Variants in ST6GALNAC5 observed in about 807,000 individuals in gnomAD.
The protein encoded by ST6GALNAC5 is alpha-N-acetylgalactosaminide alpha-2,6-sialyltransferase 5.
Under a neutral mutation model 33.6 loss-of-function variants are expected in ST6GALNAC5, and 27 were observed. The ratio of observed to expected loss-of-function variants is 0.80; its 90% confidence interval spans 0.59 to 1.11. The LOEUF (loss-of-function observed/expected upper bound fraction) is 1.11, where lower values mean the gene tolerates loss of function less well. Ranked by LOEUF, ST6GALNAC5 falls within the 50% of genes least tolerant of loss-of-function variation. The probability of loss-of-function intolerance (pLI) is 0.00; values close to 1 mark genes in which losing one functional copy is unlikely to be tolerated. For synonymous variants in ST6GALNAC5, 194 were observed against 171.2 expected (o/e 1.13, Z -1.04); for missense variants, 428 against 454.0 (o/e 0.94, Z 0.52).
intron 2 of ST6GALNAC5, among the ~76,000 whole-genome samples, chr1:76,906,812 G>A (rs1570659257): frequency 6.6e-6 from 1 of 152,242 alleles, no homozygotes; most frequent in South Asian, 2.1e-4. Flanking sequence ...TCCCTTGAAT[G>A]CCCCGTAGGT....
At chr1:77,055,983 T>C (rs896816125) in intron 4 of ST6GALNAC5, among the ~76,000 whole-genome samples, 2 of 152,204 alleles carry the variant, frequency 1.3e-5, no homozygotes, top group Non-Finnish European at 2.9e-5. Context: ...AAACTATAAC[T>C]AGCAAATTCA....
At chr1:76,991,995 A>T (rs1465268802) in intron 2 of ST6GALNAC5, among the ~76,000 whole-genome samples, 1 of 152,238 alleles carries the variant, frequency 6.6e-6, no homozygotes, top group East Asian at 1.9e-4. Flanking sequence ...AAATATTTTT[A>T]AAATTTCTTC....
chr1:76,939,074 C>T (rs1415906536), intron 2 of ST6GALNAC5, among the ~76,000 whole-genome samples: 3 of 152,028 alleles, frequency 2.0e-5, no homozygotes, highest in Non-Finnish European at 4.4e-5. Context: ...GAGGTGGCTG[C>T]AGTCTGGGTG....
chr1:76,905,971 C>G (rs974241708), intron 2 of ST6GALNAC5, among the ~76,000 whole-genome samples: 1 of 152,078 alleles, frequency 6.6e-6, no homozygotes, highest in Non-Finnish European at 1.5e-5. Context: ...TGCTGAATTC[C>G]CTGCTCCAGA....
intron 2 of ST6GALNAC5, among the ~76,000 whole-genome samples, chr1:76,911,644 A>G (rs966567721): frequency 1.3e-5 from 2 of 152,122 alleles, no homozygotes; most frequent in African/African-American, 4.8e-5. Flanking sequence ...CTATTCAGAG[A>G]TTCAACTTCT....
chr1:76,934,395 T>C (rs759528752), intron 2 of ST6GALNAC5, among the ~76,000 whole-genome samples: 44 of 152,104 alleles, frequency 2.9e-4, no homozygotes, highest in Middle Eastern at 3.2e-3. Flanking sequence ...TGTCTAACTG[T>C]GACAGCTCTC....
chr1:76,923,729 A>AC (rs1182570523), intron 2 of ST6GALNAC5, among the ~76,000 whole-genome samples: 7 of 152,022 alleles, frequency 4.6e-5, no homozygotes, highest in African/African-American at 1.7e-4. Flanking sequence ...AAACAAACAA[A>AC]AAAAACAGTT....
intron 2 of ST6GALNAC5, among the ~76,000 whole-genome samples, chr1:76,883,649 A>T (rs1653833116): frequency 6.6e-6 from 1 of 152,224 alleles, no homozygotes; most frequent in South Asian, 2.1e-4. Context: ...ACAGTATAGT[A>T]CCATGACAGG....
chr1:76,978,331 C>T (rs11162244), intron 2 of ST6GALNAC5, among the ~76,000 whole-genome samples: 39,754 of 151,890 alleles, frequency 0.26, 5,329 homozygotes, highest in Middle Eastern at 0.35. Flanking sequence ...TTGATGTAAT[C>T]CCATTTGTCT....
chr1:76,956,869 G>T (rs1236513951), intron 2 of ST6GALNAC5, among the ~76,000 whole-genome samples: 2 of 152,094 alleles, frequency 1.3e-5, no homozygotes, highest in African/African-American at 2.4e-5. Context: ...ATGGGGTTGG[G>T]GAGGTTTTGT....
intron 4 of ST6GALNAC5, among the ~76,000 whole-genome samples, chr1:77,057,189 CAA>C (rs1348268287): frequency 6.6e-6 from 1 of 152,130 alleles, no homozygotes; most frequent in Non-Finnish European, 1.5e-5. Context: ...TAGAGAGAGG[CAA>C]AGACACCATT....
chr1:77,051,480 T>C (rs1224323396), intron 4 of ST6GALNAC5, among the ~76,000 whole-genome samples: 1 of 152,206 alleles, frequency 6.6e-6, no homozygotes, highest in African/African-American at 2.4e-5. Context: ...CCACCTAGTA[T>C]GACCTTGAAG....
chr1:77,026,139 G>C (rs1371555515), intron 2 of ST6GALNAC5, among the ~76,000 whole-genome samples: 1 of 152,126 alleles, frequency 6.6e-6, no homozygotes, highest in African/African-American at 2.4e-5. Flanking sequence ...TGGCACTTAT[G>C]TGGTTTATTT....
chr1:77,033,678 G>A (rs1186796808), intron 2 of ST6GALNAC5, among the ~76,000 whole-genome samples: 1 of 152,140 alleles, frequency 6.6e-6, no homozygotes, highest in Non-Finnish European at 1.5e-5. Flanking sequence ...TTTAAGCTGA[G>A]ACCTGAGCGA....
At chr1:76,916,806 C>G (rs947025502) in intron 2 of ST6GALNAC5, among the ~76,000 whole-genome samples, 1 of 152,066 alleles carries the variant, frequency 6.6e-6, no homozygotes, top group Non-Finnish European at 1.5e-5. Context: ...ATGGCTATGG[C>G]TTCACGTTCC....
intron 2 of ST6GALNAC5, among the ~76,000 whole-genome samples, chr1:76,874,445 G>A (rs1229269971): frequency 1.3e-5 from 2 of 152,066 alleles, no homozygotes; most frequent in African/African-American, 4.8e-5. Context: ...TTATATATAT[G>A]GGAGTTTATA....
intron 2 of ST6GALNAC5, among the ~76,000 whole-genome samples, chr1:77,013,545 G>C (rs7549883): frequency 0.012 from 1,814 of 152,202 alleles, 37 homozygotes; most frequent in African/African-American, 0.042. Context: ...GTCATGTTAC[G>C]ATTTGTTTTC....
intron 3 of ST6GALNAC5, among the ~76,000 whole-genome samples, chr1:77,049,289 A>G (rs1171684249): frequency 6.6e-6 from 1 of 152,196 alleles, no homozygotes; most frequent in Non-Finnish European, 1.5e-5. Context: ...ATCACAAATG[A>G]TGCTATGGCT....
At chr1:76,996,527 C>A (rs1244325763) in intron 2 of ST6GALNAC5, among the ~76,000 whole-genome samples, 1 of 152,144 alleles carries the variant, frequency 6.6e-6, no homozygotes, top group Non-Finnish European at 1.5e-5. Context: ...CAATAATCTG[C>A]AGGTTAAATG....
Sources: gnomAD v4.1 joint callset for allele counts (sites outside exome capture counted in the v4.1 genomes callset) on GRCh38, gnomAD v4.1.1 for gene constraint, MANE v1.5 for transcripts, NCBI Gene and HGNC (gene_info 2026-07-23, HGNC 2026-07-21) for gene names.